Variants in KIAA1958 observed in about 807,000 individuals in gnomAD.
KIAA1958 encodes the protein uncharacterized protein KIAA1958.
KIAA1958 carries 14 observed loss-of-function variants against 47.2 expected under a neutral mutation model. That is an observed-to-expected ratio of 0.30 (90% CI 0.20 to 0.46). The LOEUF is 0.46. Among genes scored for constraint, KIAA1958 ranks in the 20% least tolerant of loss-of-function variants. KIAA1958 has a pLI of 1.00. For missense variants in KIAA1958, 803 were observed against 909.2 expected (o/e 0.88, Z 1.50); for synonymous variants, 354 against 353.3 (o/e 1.00, Z -0.02).
Position 112,525,918 on chromosome 9 carries a change from TTTCTTCTTCTTCTTCTTCTTCTTC to T in KIAA1958, c.-25+38860_-25+38883del, listed in dbSNP as rs758525184. ...AAGTTGGAAAGCTTCATTTATATTCTTTCTTCTTCTTCTTCTTCTTCTTCTTCTTCTTCTTCTTCTTCTTCTTCT... is the reference window on the plus strand; with the variant it reads ...AAGTTGGAAAGCTTCATTTATATTCTTTCTTCTTCTTCTTCTTCTTCTTCT... On this transcript the variant is annotated intron_variant, in intron 1 of 3. Transcript: ENST00000337530. Among the ~76,000 whole-genome samples the T allele has an allele frequency of 1.3e-3, 124 of 96,504 alleles. 10 individuals carry two copies. In the East Asian group the frequency reaches 0.039, roughly 30 times the overall value. The allele number at this position is 96,504 out of a possible 152,430, so 63.3% of individuals were successfully genotyped here.
In KIAA1958 at chr9:112,668,970, C is replaced by T. The variant is rs1462613956; in HGVS notation, c.*8901C>T. The T allele has an allele frequency of 6.6e-6, 1 of 152,218 alleles. No individual in the cohort carries two copies. The highest frequency in any genetic ancestry group is 1.5e-5 in the Non-Finnish European group (1 of 68,040). The allele number at this position is 152,218 out of a possible 1,614,324, so 9.4% of individuals were successfully genotyped here. ...AATAATAGCAACAAAACTGTCCTAA[C>T]GTTTTCACTGTTCTGTAATTTTGTT... On this transcript the variant is annotated 3_prime_UTR_variant, in exon 4 of 4. Transcript: ENST00000337530.
chr9:112,605,067 A>T (rs958020567), intron 2 of KIAA1958, among the ~76,000 whole-genome samples: 66 of 147,570 alleles, frequency 4.5e-4, no homozygotes, highest in Non-Finnish European at 8.6e-4. Flanking sequence ...TTATATATAT[A>T]AATTTGTATA....
At chr9:112,657,449 G>T (rs1220300840) in intron 3 of KIAA1958, among the ~76,000 whole-genome samples, 3 of 151,986 alleles carry the variant, frequency 2.0e-5, no homozygotes, top group Admixed American at 1.3e-4. Context: ...TGAATAATCC[G>T]TTTGCTTATT....
intron 1 of KIAA1958, among the ~76,000 whole-genome samples, chr9:112,565,675 A>G (rs1418607901): frequency 6.6e-6 from 1 of 152,200 alleles, no homozygotes; most frequent in East Asian, 1.9e-4. Flanking sequence ...ATTGAAGTAG[A>G]GTGATAACTA....
At chr9:112,571,565 T>C (rs867975209) in intron 1 of KIAA1958, among the ~76,000 whole-genome samples, 6 of 152,168 alleles carry the variant, frequency 3.9e-5, no homozygotes, top group East Asian at 1.9e-4. Flanking sequence ...CTTAACAAAT[T>C]TGGACTCTCT....
In KIAA1958 at chr9:112,593,839, T is replaced by TTTTTGTTTTGTTTTGTTTTG. The variant is rs10627875; in HGVS notation, c.1171+18608_1171+18627dup. Reference sequence around the variant, plus strand: ...CCAACTGCAAGGGAGACTTGTCTGTTTTTTGTTTTGTTTTGTTTTGTTTTG... The same window carrying TTTTTGTTTTGTTTTGTTTTG: ...CCAACTGCAAGGGAGACTTGTCTGTTTTTTGTTTTGTTTTGTTTTGTTTTGTTTTGTTTTGTTTTGTTTTG... On this transcript the variant is annotated intron_variant, in intron 2 of 3. Coordinates refer to ENST00000337530, the MANE Select transcript of KIAA1958 (RefSeq NM_133465.4). Among the ~76,000 whole-genome samples, 71 of 147,956 alleles carry TTTTTGTTTTGTTTTGTTTTG rather than the reference T, an allele frequency of 4.8e-4. No individual in the cohort carries two copies. The Middle Eastern group carries it at 0.01, about 22-fold the overall frequency.
chr9:112,652,151 C>T (rs1308227778), intron 3 of KIAA1958, among the ~76,000 whole-genome samples: 1 of 152,186 alleles, frequency 6.6e-6, no homozygotes, highest in Admixed American at 6.5e-5. Context: ...CAGGAGTGAG[C>T]CACCGTGCCC....
chr9:112,566,843 A>G (rs1275032619), intron 1 of KIAA1958, among the ~76,000 whole-genome samples: 1 of 152,200 alleles, frequency 6.6e-6, no homozygotes, highest in East Asian at 1.9e-4. Flanking sequence ...CAGGTTTTCT[A>G]ACAAATTGGA....
At chr9:112,513,220 G>C in intron 1 of KIAA1958, among the ~76,000 whole-genome samples, 1 of 129,632 alleles carries the variant, frequency 7.7e-6, no homozygotes, top group Non-Finnish European at 1.6e-5. Flanking sequence ...GGCCAGGCTG[G>C]TCTGGAACTC....
chr9:112,625,147 T>G (rs1041624610), intron 2 of KIAA1958, among the ~76,000 whole-genome samples: 2 of 152,118 alleles, frequency 1.3e-5, no homozygotes, highest in African/African-American at 4.8e-5. Context: ...TTAATGTATT[T>G]ATTTGTTTTT....
At chr9:112,622,226 C>T (rs1344822364) in intron 2 of KIAA1958, among the ~76,000 whole-genome samples, 1 of 152,200 alleles carries the variant, frequency 6.6e-6, no homozygotes, top group Non-Finnish European at 1.5e-5. Context: ...AGGAGATGTT[C>T]ACTACAACTG....
At chr9:112,546,163 A>G (rs1036369206) in intron 1 of KIAA1958, among the ~76,000 whole-genome samples, 1 of 152,166 alleles carries the variant, frequency 6.6e-6, no homozygotes, top group South Asian at 2.1e-4. Flanking sequence ...AAAACCCGCC[A>G]AAACCAAGAT....
At chr9:112,544,615 G>A (rs751834378) in intron 1 of KIAA1958, among the ~76,000 whole-genome samples, 1 of 152,216 alleles carries the variant, frequency 6.6e-6, no homozygotes, top group Non-Finnish European at 1.5e-5. Context: ...CACATTAAAA[G>A]TCAGAGCTCT....
chr9:112,540,999 G>A (rs1007346390), intron 1 of KIAA1958, among the ~76,000 whole-genome samples: 3 of 151,898 alleles, frequency 2.0e-5, no homozygotes, highest in Non-Finnish European at 2.9e-5. Context: ...GGATTACAGG[G>A]GTGAGTCACC....
At chr9:112,533,536 G>A (rs1460147743) in intron 1 of KIAA1958, among the ~76,000 whole-genome samples, 1 of 135,386 alleles carries the variant, frequency 7.4e-6, no homozygotes, top group Non-Finnish European at 1.5e-5. Flanking sequence ...AGCCAAGATC[G>A]CGCCACCACA....
intron 2 of KIAA1958, among the ~76,000 whole-genome samples, chr9:112,621,179 G>A (rs1836500276): frequency 6.6e-6 from 1 of 152,156 alleles, no homozygotes; most frequent in African/African-American, 2.4e-5. Flanking sequence ...GGAATGCTGA[G>A]TAATCTTCCA....
chr9:112,522,766 C>A (rs1005980444), intron 1 of KIAA1958, among the ~76,000 whole-genome samples: 1 of 152,172 alleles, frequency 6.6e-6, no homozygotes, highest in African/African-American at 2.4e-5. Context: ...TAAAGCTGGG[C>A]AAGATGAATG....
At chr9:112,629,555 CAG>C (rs1356842884) in intron 2 of KIAA1958, among the ~76,000 whole-genome samples, 3 of 152,158 alleles carry the variant, frequency 2.0e-5, no homozygotes, top group South Asian at 2.1e-4. Context: ...TTTGTAATAA[CAG>C]AATTTTTTGT....
rs1564193539 is a variant in KIAA1958, at chr9:112,623,151, T to C, written c.1172-22499T>C. 2.6e-5 allele frequency among the ~76,000 whole-genome samples: 4 copies of C among 152,334 alleles called. No homozygotes were observed. In the East Asian group the frequency reaches 7.7e-4, roughly 29 times the overall value. ...TTTTAAAATCAATAAAGTGAAGGCA[T>C]TTCTGTACCATCCACTGTGTTCATG... is the stretch of plus-strand genomic sequence containing the variant. On this transcript the variant is annotated intron_variant, in intron 2 of 3. Transcript: ENST00000337530.
Sources: allele counts gnomAD v4.1 joint callset (sites outside exome capture counted in the v4.1 genomes callset), GRCh38; gene constraint gnomAD v4.1.1; transcripts MANE v1.5; gene names NCBI Gene and HGNC (gene_info 2026-07-23, HGNC 2026-07-21).